Variants in GLIS3 observed in about 807,000 individuals in gnomAD.
GLIS3 encodes zinc finger protein GLIS3.
A neutral mutation model predicts 78.6 loss-of-function variants in GLIS3; 53 were observed. That is an observed-to-expected ratio of 0.67 (90% CI 0.54 to 0.85). GLIS3 has a LOEUF of 0.85. Among genes scored for constraint, GLIS3 ranks in the 40% least tolerant of loss-of-function variants. The probability of loss-of-function intolerance (pLI) is 0.00; values close to 1 mark genes in which losing one functional copy is unlikely to be tolerated. For synonymous variants in GLIS3, 684 were observed against 509.9 expected, an observed-to-expected ratio of 1.34 and a Z score of -4.60; for missense variants, 1,703 against 1,231.1, an observed-to-expected ratio of 1.38 and a Z score of -5.74.
At chr9:4,187,792 CTGTT>C (rs1195566273) in intron 2 of GLIS3, among the ~76,000 whole-genome samples, 3 of 152,176 alleles carry the variant, frequency 2.0e-5, no homozygotes, top group East Asian at 3.9e-4. Flanking sequence ...ATTTGGCTCT[CTGTT>C]TGTCTGTTAT....
chr9:4,161,345 A>C (rs545989189), intron 2 of GLIS3, among the ~76,000 whole-genome samples: 1 of 152,284 alleles, frequency 6.6e-6, no homozygotes, highest in African/African-American at 2.4e-5. Context: ...TTAATCAATT[A>C]GAAAATTTCT....
At chr9:4,151,834 C>A (rs1426145181) in intron 2 of GLIS3, among the ~76,000 whole-genome samples, 1 of 152,186 alleles carries the variant, frequency 6.6e-6, no homozygotes, top group Non-Finnish European at 1.5e-5. Flanking sequence ...ATACCTTCCA[C>A]AGCAGGAGAG....
chr9:3,972,437 G>A (rs1046440677), intron 4 of GLIS3, among the ~76,000 whole-genome samples: 7 of 152,194 alleles, frequency 4.6e-5, no homozygotes, highest in African/African-American at 1.7e-4. Context: ...CAAAGGCCCT[G>A]TGTTACAGAT....
chr9:4,154,133 G>A lies in GLIS3; in HGVS notation c.389-28192C>T, dbSNP rs143900877. 3.1e-3 allele frequency among the ~76,000 whole-genome samples: 470 copies of A among 152,350 alleles called. 3 individuals carry two copies. The highest frequency in any genetic ancestry group is 4.0e-3 in the Non-Finnish European group (275 of 68,036). On this transcript the variant is annotated intron_variant, in intron 2 of 10. Coordinates refer to ENST00000381971, the MANE Select transcript of GLIS3 (RefSeq NM_001042413.2). Reference sequence around the variant, plus strand: ...GGCTGGTTTCCGAGAGGCAGAAAGAGGGGGCTTTCAGGCCATTTAGAAACA... The same window carrying A: ...GGCTGGTTTCCGAGAGGCAGAAAGAAGGGGCTTTCAGGCCATTTAGAAACA...
the GLIS3 span, among the ~76,000 whole-genome samples, chr9:4,462,345 G>A: frequency 9.2e-5 from 14 of 152,182 alleles, no homozygotes; most frequent in African/African-American, 3.4e-4. Context: ...CAAGATTGGT[G>A]AAATTGTCTT....
chr9:3,882,215 G>GAT (rs3061549), intron 7 of GLIS3, among the ~76,000 whole-genome samples: 32,398 of 152,062 alleles, frequency 0.21, 3,635 homozygotes, highest in African/African-American at 0.28. Flanking sequence ...AGATGAACAA[G>GAT]ATATAAATGC....
intron 4 of GLIS3, among the ~76,000 whole-genome samples, chr9:3,974,899 C>G (rs1057498666): frequency 4.0e-5 from 6 of 151,834 alleles, no homozygotes; most frequent in African/African-American, 1.5e-4. Flanking sequence ...AATCAAAAAG[C>G]ACCAGAAATG....
At chr9:4,358,189 G>A in the GLIS3 span, among the ~76,000 whole-genome samples, 2 of 152,092 alleles carry the variant, frequency 1.3e-5, no homozygotes, top group Non-Finnish European at 2.9e-5. Flanking sequence ...CCAGAAGGCT[G>A]CATAAACTGT....
rs1320289839 is a variant in GLIS3 at position 4,286,077 on chromosome 9, G to C, written c.349C>G (p.Gln117Glu). 1 of 1,613,530 alleles carries C rather than the reference G, an allele frequency of 6.2e-7. No homozygotes were observed. The highest frequency in any genetic ancestry group is 8.5e-7 in the Non-Finnish European group (1 of 1,179,784). The change falls in exon 2 of 11, where the codon CAG (glutamine) becomes GAG (glutamate). Residue 117 changes from glutamine (Q) to glutamate (E), a missense_variant. Coordinates refer to ENST00000381971, the MANE Select transcript of GLIS3 (RefSeq NM_001042413.2). ...SGSHTLKPKQ[Q>E]EFGSPFPPNP... ...GGAGGAAAAGGGCTTCCAAACTCCT[G>C]CTGCTTTGGCTTTAAAGTATGTGAC...
the GLIS3 span, among the ~76,000 whole-genome samples, chr9:4,360,036 A>C: frequency 6.6e-6 from 1 of 152,106 alleles, no homozygotes. Flanking sequence ...AAAAAAAAAA[A>C]AATTACACAA....
intron 2 of GLIS3, among the ~76,000 whole-genome samples, chr9:4,215,817 T>C (rs777209671): frequency 6.6e-6 from 1 of 152,228 alleles, no homozygotes; most frequent in Admixed American, 6.5e-5. Flanking sequence ...AGTATGACAA[T>C]ACTTGGTTGG....
At chr9:4,083,687 T>G (rs1049556899) in intron 4 of GLIS3, among the ~76,000 whole-genome samples, 2 of 152,118 alleles carry the variant, frequency 1.3e-5, no homozygotes, top group African/African-American at 2.4e-5. Context: ...AGTAATGAGG[T>G]CAAGAAAAAT....
At chr9:4,174,887 C>T (rs1816685303) in intron 2 of GLIS3, among the ~76,000 whole-genome samples, 1 of 152,308 alleles carries the variant, frequency 6.6e-6, no homozygotes, top group East Asian at 1.9e-4. Context: ...TCCAACAACA[C>T]GCCTGCAAGA....
At chr9:4,235,403 G>A (rs1203214023) in intron 2 of GLIS3, among the ~76,000 whole-genome samples, 10 of 151,622 alleles carry the variant, frequency 6.6e-5, no homozygotes, top group African/African-American at 9.7e-5. Flanking sequence ...ATGTGCCACC[G>A]CTTAAGACTC....
chr9:4,238,403 C>G (rs1160336384), intron 2 of GLIS3, among the ~76,000 whole-genome samples: 1 of 152,162 alleles, frequency 6.6e-6, no homozygotes, highest in Admixed American at 6.5e-5. Flanking sequence ...GAGAGTCTAC[C>G]CACATGAGAG....
Position 3,898,820 on chromosome 9 carries a change from C to G in GLIS3, c.1999G>C (p.Glu667Gln). Residue 667 changes from glutamate (E) to glutamine (Q), a missense_variant, in exon 7 of 11, where the codon GAG (glutamate) becomes CAG (glutamine). Glu to Gln is a conservative substitution (Grantham distance 29). Transcript: ENST00000381971. ...QARKKLRSST[E>Q]LHPDLLTDCL... Reference sequence around the variant, plus strand: ...TCTGTGAGCAGGTCTGGATGGAGCTCTGTGCTGGACCGCAACTAAGAGGAC... The same window carrying G: ...TCTGTGAGCAGGTCTGGATGGAGCTGTGTGCTGGACCGCAACTAAGAGGAC... 1 of 1,614,088 alleles carries G rather than the reference C, an allele frequency of 6.2e-7. No individual in the cohort carries two copies. The highest frequency in any genetic ancestry group is 8.5e-7 in the Non-Finnish European group (1 of 1,180,026).
intron 2 of GLIS3, among the ~76,000 whole-genome samples, chr9:4,158,225 T>C (rs1773248487): frequency 6.6e-6 from 1 of 152,222 alleles, no homozygotes; most frequent in African/African-American, 2.4e-5. Flanking sequence ...ATTACATCAA[T>C]TCTGAGTTTC....
At chr9:3,957,324 G>A (rs1036910925) in intron 4 of GLIS3, among the ~76,000 whole-genome samples, 7 of 152,234 alleles carry the variant, frequency 4.6e-5, no homozygotes, top group African/African-American at 9.6e-5. Context: ...CTGCCTAGCC[G>A]ATTAATGTCT....
At chr9:3,844,188 AAG>A (rs978072798) in intron 9 of GLIS3, among the ~76,000 whole-genome samples, 3 of 152,310 alleles carry the variant, frequency 2.0e-5, no homozygotes, top group African/African-American at 7.2e-5. Context: ...CTGTTTTATG[AAG>A]AGAGTGGCCT....
Sources: gnomAD v4.1 joint callset for allele counts (sites outside exome capture counted in the v4.1 genomes callset) on GRCh38, gnomAD v4.1.1 for gene constraint, MANE v1.5 for transcripts, NCBI Gene and HGNC (gene_info 2026-07-23, HGNC 2026-07-21) for gene names.